IFI16: variants seen among roughly 807,000 people sequenced by gnomAD.
IFI16 encodes gamma-interferon-inducible protein 16.
In IFI16, 49 loss-of-function variants were observed where a neutral mutation model predicts 68.4. That is an observed-to-expected ratio of 0.72 (90% confidence interval 0.57 to 0.91). The LOEUF (loss-of-function observed/expected upper bound fraction) is 0.91. IFI16 is among the 40% of genes least tolerant of loss of function. The probability of loss-of-function intolerance (pLI) is 0.00; values close to 1 mark genes in which losing one functional copy is unlikely to be tolerated. For missense variants in IFI16, 878 were observed against 942.9 expected, an observed-to-expected ratio of 0.93 and a Z score of 0.90; for synonymous variants, 307 against 315.0, an observed-to-expected ratio of 0.97 and a Z score of 0.27.
At chr1:159,014,370 C>T (rs1484423809) in intron 1 of IFI16, among the ~76,000 whole-genome samples, 2 of 152,024 alleles carry the variant, frequency 1.3e-5, no homozygotes, top group Admixed American at 1.3e-4. Flanking sequence ...AGGGCTTTGA[C>T]ACTGCAGAGC....
chr1:159,049,709 T>A, intron 9 of IFI16, 110 bp downstream of exon 9: 1 of 1,212,700 alleles, frequency 8.2e-7, no homozygotes, highest in Non-Finnish European at 1.2e-6. Context: ...ATGCTTTAAT[T>A]TAACCAAATC....
chr1:159,026,629 C>T (rs934582067), intron 6 of IFI16, among the ~76,000 whole-genome samples: 2 of 152,104 alleles, frequency 1.3e-5, no homozygotes, highest in South Asian at 2.1e-4. Context: ...ATTGATTCTA[C>T]CCATCCCCGA....
intron 7 of IFI16, among the ~76,000 whole-genome samples, chr1:159,043,496 T>C (rs1013317959): frequency 1.3e-5 from 2 of 152,212 alleles, no homozygotes; most frequent in African/African-American, 4.8e-5. Flanking sequence ...TTCTCTGGGA[T>C]CCAGCCATCT....
At chr1:159,039,535 G>A (rs190489610) in intron 7 of IFI16, among the ~76,000 whole-genome samples, 1 of 152,038 alleles carries the variant, frequency 6.6e-6, no homozygotes, top group African/African-American at 2.4e-5. Flanking sequence ...GTAGAGACGG[G>A]GTTTAACCAT....
intron 7 of IFI16, among the ~76,000 whole-genome samples, chr1:159,042,532 A>G (rs189234462): frequency 5.9e-5 from 9 of 152,042 alleles, no homozygotes; most frequent in South Asian, 2.1e-4. Flanking sequence ...TTTGATGTCA[A>G]TTTTTTCCAT....
chr1:159,044,284 T>C (rs1477062235), intron 7 of IFI16, among the ~76,000 whole-genome samples: 1 of 152,196 alleles, frequency 6.6e-6, no homozygotes, highest in African/African-American at 2.4e-5. Context: ...CTTAAAATGT[T>C]AACATTTAAA....
At chr1:159,026,238 G>T (rs1022595221) in intron 6 of IFI16, among the ~76,000 whole-genome samples, 1 of 151,146 alleles carries the variant, frequency 6.6e-6, no homozygotes, top group Admixed American at 6.6e-5. Flanking sequence ...GTATTTGGAT[G>T]GGAATTGCAT....
At chr1:159,051,044 T>C (rs1240006909) in intron 9 of IFI16, among the ~76,000 whole-genome samples, 1 of 152,138 alleles carries the variant, frequency 6.6e-6, no homozygotes, top group African/African-American at 2.4e-5. Flanking sequence ...TAATATGATT[T>C]TTTTCTCTAT....
At chr1:159,024,014 C>A (rs1653497462) in intron 6 of IFI16, among the ~76,000 whole-genome samples, 1 of 152,176 alleles carries the variant, frequency 6.6e-6, no homozygotes, top group South Asian at 2.1e-4. Flanking sequence ...CACCATATGT[C>A]CATTTCTGGT....
intron 7 of IFI16, among the ~76,000 whole-genome samples, chr1:159,043,270 CCCACT>C (rs1654778966): frequency 1.3e-5 from 2 of 152,234 alleles, no homozygotes; most frequent in Non-Finnish European, 1.5e-5. Flanking sequence ...AAATCTCAGG[CCCACT>C]GTCTCTCTGT....
intron 7 of IFI16, among the ~76,000 whole-genome samples, chr1:159,044,547 G>C (rs200727958): frequency 7.3e-4 from 111 of 151,428 alleles, no homozygotes; most frequent in East Asian, 4.3e-3. Context: ...TACTGAATGG[G>C]AAAACTGCTA....
intron 6 of IFI16, 99 bp from the exon 7 acceptor site, chr1:159,032,425 C>A: frequency 4.4e-6 from 3 of 682,446 alleles, no homozygotes; most frequent in Non-Finnish European, 6.9e-6. Context: ...AGTAATGAGA[C>A]CTATTAAAAT....
At chr1:159,021,694 A>G (rs1653325116) in intron 6 of IFI16, among the ~76,000 whole-genome samples, 1 of 152,184 alleles carries the variant, frequency 6.6e-6, no homozygotes, top group South Asian at 2.1e-4. Context: ...TTACTATAGT[A>G]GTTCTACTAG....
chr1:159,041,119 G>A (rs865800661), intron 7 of IFI16, among the ~76,000 whole-genome samples: 3 of 152,196 alleles, frequency 2.0e-5, no homozygotes, highest in African/African-American at 2.4e-5. Flanking sequence ...TTCAGCTAAC[G>A]GTGCGATAGA....
At chr1:159,008,369 A>T (rs1652343482), upstream of IFI16, among the ~76,000 whole-genome samples, 1 of 152,194 alleles carries the variant, frequency 6.6e-6, no homozygotes, top group South Asian at 2.1e-4. Flanking sequence ...CACTGCCACA[A>T]AGTGGGGGAA....
chr1:159,034,500 T>G (rs1351237040), intron 7 of IFI16, among the ~76,000 whole-genome samples: 1 of 152,232 alleles, frequency 6.6e-6, no homozygotes, highest in Non-Finnish European at 1.5e-5. Context: ...CCTTTCATCC[T>G]TTCACTTCGT....
At chr1:159,018,688 C>T (rs761580172) in intron 5 of IFI16, 37 bp downstream of exon 5, 3 of 1,401,514 alleles carry the variant, frequency 2.1e-6, no homozygotes, top group South Asian at 2.6e-5. Context: ...ATTTTTCCAC[C>T]AACACCTGAA....
Position 159,054,851 on chromosome 1 carries a change from A to T in IFI16, c.2308A>T (p.Ile770Leu). Reference protein sequence around the residue: ...VIKTRKNKKDILNPDSSMETS... With the variant: ...VIKTRKNKKDLLNPDSSMETS... ...CAAGACCAGGAAAAACAAGAAAGACATACTCAATCCTGATTCAAGTATGGA... is the reference window on the plus strand; with the variant it reads ...CAAGACCAGGAAAAACAAGAAAGACTTACTCAATCCTGATTCAAGTATGGA... The change falls in exon 12 of 12, where the codon ATA becomes TTA. Residue 770 changes from isoleucine to leucine, a missense_variant. Around this residue, in one of 4 missense-constraint regions of IFI16, gnomAD observed 311 missense variants for 305.1 expected, o/e 1.02. Coordinates refer to ENST00000295809, the MANE Select transcript of IFI16 (RefSeq NM_001376587.1). 6.2e-7 allele frequency: 1 copy of T among 1,604,952 alleles called. No homozygotes were observed. Among genetic ancestry groups the T allele is most frequent in the Non-Finnish European group, 8.5e-7 (1 of 1,173,270 alleles).
chr1:159,046,650 C>T lies in IFI16; in HGVS notation c.1497+1186C>T, dbSNP rs1268478606. ...TCAGAGGTTAGTTTCACTATCCATG[C>T]TCTTAACCACATCAAGGGTTTTGAT... On this transcript the variant is annotated intron_variant, in intron 8 of 11. Transcript: ENST00000295809. Among the ~76,000 whole-genome samples the T allele has an allele frequency of 2.6e-5, 4 of 151,114 alleles. 1 individual carries two copies. Among genetic ancestry groups the T allele is most frequent in the Non-Finnish European group, 5.9e-5 (4 of 67,576 alleles).
Sources: gnomAD v4.1 joint callset for allele counts (sites outside exome capture counted in the v4.1 genomes callset) on GRCh38, gnomAD v4.1.1 for gene constraint, gnomAD v4.1.1 regional missense constraint, MANE v1.5 for transcripts, NCBI Gene and HGNC (gene_info 2026-07-23, HGNC 2026-07-21) for gene names.